GBP1: variants seen among roughly 807,000 people sequenced by gnomAD.
The protein encoded by GBP1 is guanylate binding protein 1, also known as guanylate-binding protein 1.
A neutral mutation model predicts 69.5 loss-of-function variants in GBP1; 64 were observed. The observed-to-expected ratio is 0.92, with a 90% confidence interval of 0.75 to 1.13. The LOEUF (loss-of-function observed/expected upper bound fraction) is 1.13. GBP1 is among the 50% of genes most tolerant of loss of function. The pLI is 0.00. For missense variants in GBP1, 630 were observed against 704.1 expected, an observed-to-expected ratio of 0.89 and a Z score of 1.19; for synonymous variants, 250 against 261.2, an observed-to-expected ratio of 0.96 and a Z score of 0.41.
chr1:89,060,398 A>C (rs928303566), intron 2 of GBP1, 74 bp from the exon 3 acceptor site: 5 of 1,353,152 alleles, frequency 3.7e-6, no homozygotes, highest in Non-Finnish European at 4.9e-6. Context: ...AAAAAGTAGT[A>C]TATTTAAGGT....
intron 2 of GBP1, among the ~76,000 whole-genome samples, chr1:89,060,866 T>C (rs1439247583): frequency 6.6e-6 from 1 of 152,248 alleles, no homozygotes; most frequent in Non-Finnish European, 1.5e-5. Context: ...AGTTGCAGCA[T>C]GCAAAGTCAA....
Position 89,065,204 on chromosome 1 carries a change from T to G in GBP1, c.-64A>C, listed in dbSNP as rs1680303012. 6.6e-6 allele frequency: 1 copy of G among 152,224 alleles called. No individual in the cohort carries two copies. The highest frequency in any genetic ancestry group is 6.5e-5 in the Admixed American group (1 of 15,278). 9.4% of individuals were successfully genotyped at this position (152,224 alleles called of 1,614,324 possible). ...TTCACGAGCACTGGCTTCTAGCACT[T>G]CTGTGTCTCTCACTGGATCCCTGGA... On this transcript the variant is annotated 5_prime_UTR_variant, in exon 1 of 11. Transcript: ENST00000370473.
In GBP1 at chr1:89,054,824, T is replaced by C. The variant is rs146959522; in HGVS notation, c.1523A>G (p.Glu508Gly). The change falls in exon 10 of 11, where the codon GAA becomes GGA. Residue 508 changes from glutamate to glycine, a missense_variant. Glu to Gly is a moderately conservative substitution (Grantham distance 98). This residue lies in a region of GBP1 where 35 missense variants were observed against 68.6 expected (regional missense o/e 0.51). Coordinates refer to ENST00000370473, the MANE Select transcript of GBP1 (RefSeq NM_002053.3). ...SAQASAKMLQEMQRKNEQMME... is the reference protein window; with the variant it reads ...SAQASAKMLQGMQRKNEQMME... Reference sequence around the variant, plus strand: ...CATCTGCTCATTCTTTCTTTGCATTTCCTGCAACATTTTTGCTGAAGCCTG... The same window carrying C: ...CATCTGCTCATTCTTTCTTTGCATTCCCTGCAACATTTTTGCTGAAGCCTG... 4 of 1,614,156 alleles carry C rather than the reference T, an allele frequency of 2.5e-6. No homozygotes were observed. In the African/African-American group the frequency reaches 5.3e-5, roughly 22 times the overall value.
chr1:89,062,767 GTTA>G (rs1411919750), intron 2 of GBP1: 5 of 348,630 alleles, frequency 1.4e-5, no homozygotes, highest in Admixed American at 4.1e-5. Context: ...GTTTATTATA[GTTA>G]TTATTATGTA....
rs1188578568 is a variant in GBP1, at chr1:89,054,992, C to T, written c.1472-117G>A. 1.4e-5 allele frequency: 19 copies of T among 1,390,590 alleles called. No individual in the cohort carries two copies. In the African/African-American group the frequency reaches 1.7e-4, roughly 13 times the overall value. 86.1% of individuals were successfully genotyped at this position (1,390,590 alleles called of 1,614,324 possible). On this transcript the variant is annotated intron_variant, in intron 9 of 10. Coordinates refer to ENST00000370473, the MANE Select transcript of GBP1 (RefSeq NM_002053.3). ...CATATGCCCTACTCAGAGATGACCT[C>T]GGCAAGTAAGACACACCTTTGTGGA...
At chr1:89,054,224 T>G (rs1383161445) in intron 10 of GBP1, among the ~76,000 whole-genome samples, 1 of 152,086 alleles carries the variant, frequency 6.6e-6, no homozygotes, top group Non-Finnish European at 1.5e-5. Context: ...CTCAGCTTCC[T>G]GAGTAGCTGG....
intron 2 of GBP1, among the ~76,000 whole-genome samples, chr1:89,061,918 A>T (rs946892086): frequency 1.3e-5 from 2 of 152,092 alleles, no homozygotes; most frequent in African/African-American, 4.8e-5. Flanking sequence ...CAACATCACT[A>T]GTCATTACGG....
In GBP1 at chr1:89,056,228, C is replaced by T; in HGVS notation, c.1156G>A (p.Ala386Thr). ...TCATCCCGCTTTTTTTCTAGCTGGG[C>T]CTTTAATGTAAAAATAGGAAGTAAA... The part of the protein sequence containing the change: ...VDHLFQKELA[A>T]QLEKKRDDFC... The change falls in exon 8 of 11, where the codon GCC (alanine) becomes ACC (threonine). Residue 386 changes from alanine to threonine, a missense_variant and splice_region_variant. By Grantham distance (58) the Ala-to-Thr change is moderately conservative. Coordinates refer to ENST00000370473, the MANE Select transcript of GBP1 (RefSeq NM_002053.3). 1 of 1,613,794 alleles carries T rather than the reference C, an allele frequency of 6.2e-7. No individual in the cohort carries two copies. The highest frequency in any genetic ancestry group is 2.2e-5 in the East Asian group (1 of 44,888).
intron 8 of GBP1, 73 bp from the exon 9 acceptor site, chr1:89,055,288 C>T (rs1557747848): frequency 7.5e-6 from 12 of 1,596,820 alleles, no homozygotes; most frequent in Non-Finnish European, 1.0e-5. Context: ...GTCTTCCTGC[C>T]ATCCTTTCTC....
In GBP1 at chr1:89,052,771, A is replaced by G. The variant is rs1269471055; in HGVS notation, c.*584T>C. 1.3e-5 allele frequency: 2 copies of G among 152,244 alleles called. No homozygotes were observed. The highest frequency in any genetic ancestry group is 2.4e-5 in the African/African-American group (1 of 41,444). 9.4% of individuals were successfully genotyped at this position (152,244 alleles called of 1,614,324 possible). ...CATTAGCCCAATTGTTTATCACTCA[A>G]TTCCTACTCCTGCCCATGGTTTCTT... On this transcript the variant is annotated 3_prime_UTR_variant, in exon 11 of 11. Transcript: ENST00000370473.
At chr1:89,055,300 T>C (rs1272931857) in intron 8 of GBP1, 85 bp from the exon 9 acceptor site, 5 of 1,583,008 alleles carry the variant, frequency 3.2e-6, no homozygotes, top group Non-Finnish European at 4.3e-6. Flanking sequence ...TCCTTTCTCC[T>C]CTGGGAATTC....
intron 1 of GBP1, among the ~76,000 whole-genome samples, chr1:89,064,087 G>T (rs1189445013): frequency 6.6e-6 from 1 of 152,074 alleles, no homozygotes; most frequent in African/African-American, 2.4e-5. Flanking sequence ...TATTTCCAGC[G>T]ATACAGCTTT....
At chr1:89,053,952 C>A (rs1679981272) in intron 10 of GBP1, among the ~76,000 whole-genome samples, 1 of 152,186 alleles carries the variant, frequency 6.6e-6, no homozygotes, top group South Asian at 2.1e-4. Flanking sequence ...GTCACAGAAA[C>A]AAATAATCAT....
At chr1:89,057,385 G>C (rs2101224705) in intron 6 of GBP1, among the ~76,000 whole-genome samples, 1 of 152,262 alleles carries the variant, frequency 6.6e-6, no homozygotes, top group East Asian at 1.9e-4. Flanking sequence ...AGATTACATA[G>C]ACTTGTGTTA....
chr1:89,064,238 TGTGAGAGAGAGAGA>T (rs1213978489), intron 1 of GBP1, among the ~76,000 whole-genome samples: 11 of 112,804 alleles, frequency 9.8e-5, no homozygotes, highest in African/African-American at 4.2e-4. Flanking sequence ...TGTGTGTGTG[TGTGAGAGAGAGAGA>T]GAGAGAGAGA....
chr1:89,062,236 A>G (rs557472332), intron 2 of GBP1, among the ~76,000 whole-genome samples: 1 of 152,364 alleles, frequency 6.6e-6, no homozygotes, highest in African/African-American at 2.4e-5. Flanking sequence ...AGCATTATTT[A>G]TAATAGACAA....
chr1:89,054,454 G>T (rs568429198), intron 10 of GBP1, among the ~76,000 whole-genome samples: 1 of 152,080 alleles, frequency 6.6e-6, no homozygotes, highest in African/African-American at 2.4e-5. Flanking sequence ...TGAAATGAAG[G>T]ATATATTGAT....
chr1:89,054,661 C>G (rs760811651), intron 10 of GBP1, 21 bp downstream of exon 10: 19 of 1,604,126 alleles, frequency 1.2e-5, no homozygotes, highest in Non-Finnish European at 1.5e-5. Context: ...ACAGAAACCT[C>G]AAGGTGATGC....
At position 89,054,735 on chromosome 1, in the gene GBP1, C is replaced by T. The variant is rs1198890772; in HGVS notation, c.1612G>A (p.Asp538Asn). The T allele has an allele frequency of 2.3e-5, 37 of 1,614,106 alleles. No homozygotes were observed. Among genetic ancestry groups the T allele is most frequent in the Non-Finnish European group, 3.1e-5 (36 of 1,180,042 alleles). Residue 538 changes from aspartate (D) to asparagine (N), a missense_variant, in exon 10 of 11, where the codon GAC becomes AAC. Transcript: ENST00000370473. ...LKQLTEKMEN[D>N]RVQLLKEQER... Reference sequence around the variant, plus strand: ...TGCTCTTTCAGCAACTGGACCCTGTCGTTCTCCATCTTCTCAGTCAGTTGT... The same window carrying T: ...TGCTCTTTCAGCAACTGGACCCTGTTGTTCTCCATCTTCTCAGTCAGTTGT...
Sources: gnomAD v4.1 joint callset for allele counts (sites outside exome capture counted in the v4.1 genomes callset) on GRCh38, gnomAD v4.1.1 for gene constraint, gnomAD v4.1.1 regional missense constraint, MANE v1.5 for transcripts, NCBI Gene and HGNC (gene_info 2026-07-23, HGNC 2026-07-21) for gene names.